The following DDX42 variants were observed in gnomAD, a reference collection of about 807,000 sequenced individuals.
DDX42 encodes DEAD-box helicase 42.
A neutral mutation model predicts 101.5 loss-of-function variants in DDX42; 22 were observed. The observed-to-expected ratio is 0.22, with a 90% CI of 0.15 to 0.31. DDX42 has a LOEUF of 0.31. Among genes scored for constraint, DDX42 ranks in the 10% least tolerant of loss-of-function variants. The pLI is 1.00. For missense variants in DDX42, 849 were observed against 1,199.9 expected (o/e 0.71, Z 4.32); for synonymous variants, 402 against 401.2 (o/e 1.00, Z -0.02).
At chr17:63,790,714 C>T (rs995283959) in intron 2 of DDX42, among the ~76,000 whole-genome samples, 9 of 152,116 alleles carry the variant, frequency 5.9e-5, no homozygotes, top group Non-Finnish European at 8.8e-5. Flanking sequence ...GAGTTGAGAT[C>T]GTGCCACTGC....
In DDX42 at chr17:63,800,573, A is replaced by T; in HGVS notation, c.577A>T (p.Thr193Ser). The T allele has an allele frequency of 1.2e-6, 2 of 1,614,132 alleles. No individual in the cohort carries two copies. Among genetic ancestry groups the T allele is most frequent in the Non-Finnish European group, 1.7e-6 (2 of 1,180,002 alleles). Residue 193 changes from threonine to serine, a missense_variant, in exon 6 of 18, where the codon ACC becomes TCC. Thr to Ser is a moderately conservative substitution (Grantham distance 58, BLOSUM62 1). Transcript: ENST00000389924. ...YDSDGNPIAP[T>S]KKIIDPLPPI... ...TAGTGACGGAAATCCAATTGCACCT[A>T]CCAAAAAAATCATTGATCCTCTTCC...
At chr17:63,808,681 A>G (rs2039872470) in intron 9 of DDX42, 139 bp from the exon 10 acceptor site, 1 of 839,750 alleles carries the variant, frequency 1.2e-6, no homozygotes, top group Admixed American at 2.6e-5. Flanking sequence ...TACCTTTATG[A>G]ATAAAATCGT....
At chr17:63,810,251 ATTTTTTTTTTT>A (rs11450730) in intron 11 of DDX42, 10 of 121,254 alleles carry the variant, frequency 8.2e-5, no homozygotes, top group Non-Finnish European at 1.4e-4. Flanking sequence ...CAGCCTGGCT[ATTTTTTTTTTT>A]TTTTTTTTTT....
intron 5 of DDX42, 35 bp from the exon 6 acceptor site, chr17:63,800,433 C>G: frequency 6.2e-7 from 1 of 1,603,124 alleles, no homozygotes; most frequent in Non-Finnish European, 8.5e-7. Context: ...CTCAATTGTA[C>G]TTGGGTGTGA....
intron 9 of DDX42, 141 bp downstream of exon 9, chr17:63,808,041 A>G: frequency 1.3e-6 from 1 of 788,772 alleles, no homozygotes. Flanking sequence ...AACCATTTTT[A>G]ATGTACAGTT....
chr17:63,818,396 T>TA lies in DDX42; in HGVS notation c.2816dup (p.Ter939=). 6.2e-7 allele frequency: 1 copy of TA among 1,611,780 alleles called. No homozygotes were observed. Among genetic ancestry groups the TA allele is most frequent in the African/African-American group, 1.3e-5 (1 of 74,914 alleles). ...PKRKKSRWDS[*] is the part of the protein sequence containing the mutation. ...ACGCAAGAAAAGTCGATGGGACAGT[T>TA]AGAGGGGATGTGCTAAAGCGTGAAA... Residue 939 remains the stop codon, a frameshift_variant and stop_retained_variant, in exon 18 of 18, where the codon TAG becomes TAAG. Coordinates refer to ENST00000389924, the MANE Select transcript of DDX42 (RefSeq NM_203499.3). LOFTEE classifies it high-confidence loss of function.
chr17:63,785,943 T>A (rs753353358), intron 1 of DDX42, among the ~76,000 whole-genome samples: 3 of 152,230 alleles, frequency 2.0e-5, no homozygotes, highest in Non-Finnish European at 4.4e-5. Flanking sequence ...TCTTGGCTGA[T>A]AGCAGCTCAG....
rs1343472038 is a variant in DDX42 at position 63,816,944 on chromosome 17, C to T, written c.2090C>T (p.Thr697Met). The T allele has an allele frequency of 9.9e-6, 16 of 1,613,754 alleles. No homozygotes were observed. The highest frequency in any genetic ancestry group is 5.5e-5 in the South Asian group (5 of 91,066). ...ACAGGAGCTATGGGAGATCGACTAACGGCAATGAAAGCAGCTTTCCAGGTC... is the reference window on the plus strand; with the variant it reads ...ACAGGAGCTATGGGAGATCGACTAATGGCAATGAAAGCAGCTTTCCAGGTC... ...PSTGAMGDRL[T>M]AMKAAFQSQY... Residue 697 changes from threonine to methionine, a missense_variant, in exon 17 of 18, where the codon ACG (threonine) becomes ATG (methionine). Physicochemically the swap from Thr to Met is moderately conservative, Grantham distance 81 (BLOSUM62 -1). Around this residue, in one of 5 missense-constraint regions of DDX42, gnomAD observed 86 missense variants for 160.8 expected, o/e 0.53. Coordinates refer to ENST00000389924, the MANE Select transcript of DDX42 (RefSeq NM_203499.3).
intron 11 of DDX42, 67 bp from the exon 12 acceptor site, chr17:63,810,446 T>C (rs539230019): frequency 6.5e-6 from 10 of 1,535,844 alleles, no homozygotes; most frequent in Middle Eastern, 1.7e-4. Flanking sequence ...TTTACTAATA[T>C]GGCTTTTTCC....
At chr17:63,789,669 G>A (rs558546633) in intron 2 of DDX42, among the ~76,000 whole-genome samples, 1 of 148,620 alleles carries the variant, frequency 6.7e-6, no homozygotes, top group East Asian at 2.0e-4. Flanking sequence ...TGCCTCCTGG[G>A]TTCAAGCAAT....
At chr17:63,816,825 C>T (rs1348808785) in intron 16 of DDX42, 43 bp from the exon 17 acceptor site, 2 of 1,534,246 alleles carry the variant, frequency 1.3e-6, no homozygotes, top group South Asian at 2.3e-5. Context: ...AGTGAGCTTT[C>T]CTGCTTATTT....
intron 1 of DDX42, among the ~76,000 whole-genome samples, chr17:63,783,112 C>T (rs2039508531): frequency 6.6e-6 from 1 of 152,102 alleles, no homozygotes; most frequent in Non-Finnish European, 1.5e-5. Flanking sequence ...GCCTTTGCTC[C>T]CACTCATGGA....
chr17:63,813,825 G>A (rs1177140043), intron 15 of DDX42, among the ~76,000 whole-genome samples: 1 of 151,560 alleles, frequency 6.6e-6, no homozygotes, highest in East Asian at 1.9e-4. Context: ...AACAATATGT[G>A]TATAGTATAG....
intron 14 of DDX42, 62 bp from the exon 15 acceptor site, chr17:63,813,166 G>T: frequency 6.9e-7 from 1 of 1,459,120 alleles, no homozygotes; most frequent in East Asian, 2.3e-5. Flanking sequence ...TAGCATTTCT[G>T]GTTACTTTGA....
intron 3 of DDX42, among the ~76,000 whole-genome samples, chr17:63,794,113 G>A (rs138466285): frequency 2.0e-5 from 3 of 152,004 alleles, no homozygotes; most frequent in South Asian, 4.2e-4. Context: ...TGTTGCCATT[G>A]TAGCCATCCT....
chr17:63,791,797 A>G (rs1446651445), intron 2 of DDX42, among the ~76,000 whole-genome samples: 1 of 152,100 alleles, frequency 6.6e-6, no homozygotes, highest in Non-Finnish European at 1.5e-5. Context: ...CTGTAATCTC[A>G]GTACTTTGGA....
intron 5 of DDX42, chr17:63,800,112 C>T: frequency 4.6e-6 from 1 of 217,532 alleles, no homozygotes; most frequent in Non-Finnish European, 9.0e-6. Context: ...GGTTTGTGAC[C>T]TTTCTAATTA....
Position 63,818,066 on chromosome 17 carries a change from A to G in DDX42, c.2485A>G (p.Ser829Gly), listed in dbSNP as rs2039999748. The G allele has an allele frequency of 3.1e-6, 5 of 1,614,086 alleles. No homozygotes were observed. The highest frequency in any genetic ancestry group is 3.4e-6 in the Non-Finnish European group (4 of 1,180,034). The change falls in exon 18 of 18, where the codon AGC becomes GGC. Residue 829 changes from serine (S) to glycine (G), a missense_variant. Physicochemically the swap from Ser to Gly is moderately conservative, Grantham distance 56. Around this residue, in one of 5 missense-constraint regions of DDX42, gnomAD observed 300 missense variants for 304.9 expected, o/e 0.98. Coordinates refer to ENST00000389924, the MANE Select transcript of DDX42 (RefSeq NM_203499.3). ...TCACGGAGAGACTGGCAATCGGCAT[A>G]GCGATAGTCCACGTCACGGAGATGG... ...HSHGETGNRH[S>G]DSPRHGDGGR...
intron 5 of DDX42, chr17:63,800,237 T>A: frequency 2.3e-6 from 1 of 437,782 alleles, no homozygotes; most frequent in Non-Finnish European, 4.0e-6. Flanking sequence ...TTTGTAAGTC[T>A]TCTATTAAAC....
Sources: gnomAD v4.1 joint callset for allele counts (sites outside exome capture counted in the v4.1 genomes callset) on GRCh38, gnomAD v4.1.1 for gene constraint, gnomAD v4.1.1 regional missense constraint, MANE v1.5 for transcripts, NCBI Gene and HGNC (gene_info 2026-07-23, HGNC 2026-07-21) for gene names.